ANKRD6: variants seen among roughly 807,000 people sequenced by gnomAD.
ANKRD6 encodes the protein ankyrin repeat domain 6, also known as ankyrin repeat domain-containing protein 6.
A neutral mutation model predicts 82.3 loss-of-function variants in ANKRD6; 56 were observed. The observed-to-expected ratio is 0.68, with a 90% confidence interval of 0.55 to 0.85. The LOEUF (loss-of-function observed/expected upper bound fraction) is 0.85. Among genes scored for constraint, ANKRD6 ranks in the 40% least tolerant of loss-of-function variants. The probability of loss-of-function intolerance (pLI) is 0.00; values close to 1 mark genes in which losing one functional copy is unlikely to be tolerated. For synonymous variants in ANKRD6, 347 were observed against 352.1 expected (o/e 0.99, Z 0.16); for missense variants, 852 against 907.6 (o/e 0.94, Z 0.79).
chr6:89,515,805 G>A (rs956067734), intron 1 of ANKRD6, among the ~76,000 whole-genome samples: 7 of 152,236 alleles, frequency 4.6e-5, no homozygotes, highest in Non-Finnish European at 1.0e-4. Flanking sequence ...GAGAGAAGGT[G>A]CCTCTCCTGG....
At chr6:89,456,148 TC>T (rs1256806406) in intron 1 of ANKRD6, among the ~76,000 whole-genome samples, 2 of 152,190 alleles carry the variant, frequency 1.3e-5, no homozygotes, top group African/African-American at 4.8e-5. Flanking sequence ...GTTAAGTATT[TC>T]TTTATAGCAG....
intron 1 of ANKRD6, among the ~76,000 whole-genome samples, chr6:89,462,243 AATAATAATAAT>A (rs1582730201): frequency 2.0e-5 from 3 of 147,696 alleles, no homozygotes; most frequent in East Asian, 3.9e-4. Context: ...AAATAATAAT[AATAATAATAAT>A]AATAATAATA....
chr6:89,471,939 C>CAAA lies in ANKRD6; in HGVS notation c.-144+38587_-144+38589dup, dbSNP rs749607605. 7.6e-3 allele frequency among the ~76,000 whole-genome samples: 393 copies of CAAA among 51,676 alleles called. 2 individuals carry two copies. Among genetic ancestry groups the CAAA allele is most frequent in the East Asian group, 0.011 (15 of 1,344 alleles). 33.9% of individuals were successfully genotyped at this position (51,676 alleles called of 152,430 possible). On this transcript the variant is annotated intron_variant, in intron 1 of 15. Transcript: ENST00000339746. ...GGGCAACAAGAGCGAAACTCCATCTCAAAAAAAAAAAAAAAAAAAAAAAAA... is the reference window on the plus strand; with the variant it reads ...GGGCAACAAGAGCGAAACTCCATCTCAAAAAAAAAAAAAAAAAAAAAAAAAAAA...
At chr6:89,607,241 C>A (rs902754357) in intron 5 of ANKRD6, among the ~76,000 whole-genome samples, 1 of 150,060 alleles carries the variant, frequency 6.7e-6, no homozygotes, top group African/African-American at 2.4e-5. Context: ...GGTAATAAAA[C>A]CTGCTATTGA....
rs1784613230 is a variant in ANKRD6 at position 89,543,030 on chromosome 6, G to T, written c.-143-23804G>T. ...TTCAGTTAAAAATTGCCAAATGTCT[G>T]TTTGTTCTTGGGGTTTTTTACGGTA... On this transcript the variant is annotated intron_variant, in intron 1 of 15. Coordinates refer to ENST00000339746, the MANE Select transcript of ANKRD6 (RefSeq NM_001242809.2). Among the ~76,000 whole-genome samples, 4 of 152,314 alleles carry T rather than the reference G, an allele frequency of 2.6e-5. No homozygotes were observed. In the South Asian group the frequency reaches 8.3e-4, roughly 32 times the overall value.
intron 1 of ANKRD6, among the ~76,000 whole-genome samples, chr6:89,479,436 C>A (rs1390462500): frequency 6.6e-6 from 1 of 152,116 alleles, no homozygotes; most frequent in East Asian, 1.9e-4. Context: ...TAATATTCTA[C>A]CAGATGGAGC....
intron 1 of ANKRD6, among the ~76,000 whole-genome samples, chr6:89,462,292 G>A (rs553798410): frequency 6.7e-6 from 1 of 148,776 alleles, no homozygotes; most frequent in South Asian, 2.1e-4. Context: ...AAAAATGAAG[G>A]AAGTTTACAG....
chr6:89,451,177 C>T (rs1200808212), intron 1 of ANKRD6, among the ~76,000 whole-genome samples: 6 of 152,074 alleles, frequency 3.9e-5, no homozygotes, highest in Admixed American at 1.3e-4. Context: ...GGCATGGTGG[C>T]GTGTGCCTGT....
chr6:89,624,439 C>G, intron 12 of ANKRD6, 100 bp from the exon 13 acceptor site: 1 of 1,403,868 alleles, frequency 7.1e-7, no homozygotes, highest in Non-Finnish European at 9.6e-7. Context: ...CTTCCATCAT[C>G]TCTATCCCCT....
chr6:89,577,040 C>T (rs1041987721), intron 2 of ANKRD6, among the ~76,000 whole-genome samples: 9 of 152,014 alleles, frequency 5.9e-5, no homozygotes, highest in African/African-American at 2.2e-4. Context: ...CAGTCATGAG[C>T]CACCATGCCC....
At chr6:89,563,494 C>G (rs1159937313) in intron 1 of ANKRD6, among the ~76,000 whole-genome samples, 1 of 152,160 alleles carries the variant, frequency 6.6e-6, no homozygotes, top group Non-Finnish European at 1.5e-5. Context: ...AGGCTTGGGG[C>G]AGAATACATT....
intron 1 of ANKRD6, among the ~76,000 whole-genome samples, chr6:89,504,591 G>A (rs932909623): frequency 6.6e-6 from 1 of 152,014 alleles, no homozygotes; most frequent in African/African-American, 2.4e-5. Context: ...AAATTATAGC[G>A]ATGTGGCCTT....
chr6:89,556,369 C>G (rs1167738752), intron 1 of ANKRD6, among the ~76,000 whole-genome samples: 1 of 152,218 alleles, frequency 6.6e-6, no homozygotes. Context: ...AAAGAAATCC[C>G]AAGAACTAGC....
At position 89,606,112 on chromosome 6, in the gene ANKRD6, C is replaced by A; in HGVS notation, c.417+7C>A. The A allele has an allele frequency of 1.9e-6, 3 of 1,550,170 alleles. No homozygotes were observed. Among genetic ancestry groups the A allele is most frequent in the Non-Finnish European group, 2.6e-6 (3 of 1,143,994 alleles). Reference sequence around the variant, plus strand: ...CGTGCTTGCCAAGAACAAGGTGAGGCCTGGCAGATGCTAGAATGCCTCATT... The same window carrying A: ...CGTGCTTGCCAAGAACAAGGTGAGGACTGGCAGATGCTAGAATGCCTCATT... On this transcript the variant is annotated splice_region_variant and intron_variant, in intron 5 of 15. Transcript: ENST00000339746.
At chr6:89,519,771 T>G (rs1278685281) in intron 1 of ANKRD6, among the ~76,000 whole-genome samples, 1 of 152,238 alleles carries the variant, frequency 6.6e-6, no homozygotes, top group Non-Finnish European at 1.5e-5. Context: ...TCTACACTGT[T>G]TCTTTACATG....
At chr6:89,495,395 C>T (rs563882540) in intron 1 of ANKRD6, among the ~76,000 whole-genome samples, 1 of 152,214 alleles carries the variant, frequency 6.6e-6, no homozygotes, top group Non-Finnish European at 1.5e-5. Flanking sequence ...GGGAAGGAAT[C>T]TGTCTGCCCT....
chr6:89,447,215 A>G (rs1216806312), intron 1 of ANKRD6, among the ~76,000 whole-genome samples: 1 of 152,118 alleles, frequency 6.6e-6, no homozygotes, highest in African/African-American at 2.4e-5. Context: ...TGATTGTGCC[A>G]CTGTATTTCA....
rs1807489805 is a variant in ANKRD6 at position 89,631,976 on chromosome 6, C to T, written c.*972C>T. The T allele has an allele frequency of 1.3e-5, 2 of 152,120 alleles. No homozygotes were observed. The highest frequency in any genetic ancestry group is 2.9e-5 in the Non-Finnish European group (2 of 68,028). The allele number at this position is 152,120 out of a possible 1,614,324, so 9.4% of individuals were successfully genotyped here. Reference sequence around the variant, plus strand: ...AAATATTCGATAACTCAACTTAGGCCCCACTGTTCCCCAACTTCATGGAGG... The same window carrying T: ...AAATATTCGATAACTCAACTTAGGCTCCACTGTTCCCCAACTTCATGGAGG... On this transcript the variant is annotated 3_prime_UTR_variant, in exon 16 of 16. Transcript: ENST00000339746.
At position 89,488,866 on chromosome 6, in the gene ANKRD6, A is replaced by ATCTATTCTATTCTATTCTAT. The variant is rs57575981; in HGVS notation, c.-144+55531_-144+55550dup. 7.5e-3 allele frequency among the ~76,000 whole-genome samples: 1,075 copies of ATCTATTCTATTCTATTCTAT among 143,212 alleles called. 9 individuals carry two copies. The highest frequency in any genetic ancestry group is 0.013 in the East Asian group (60 of 4,732). 94.0% of individuals were successfully genotyped at this position (143,212 alleles called of 152,430 possible). The stretch of plus-strand genomic sequence containing the variant: ...AATGTTTCCCACCCAAAATATATCG[A>ATCTATTCTATTCTATTCTAT]TCTATTCTATTCTATTCTATTCTAT... On this transcript the variant is annotated intron_variant, in intron 1 of 15. Transcript: ENST00000339746.
Sources: gnomAD v4.1 joint callset for allele counts (sites outside exome capture counted in the v4.1 genomes callset) on GRCh38, gnomAD v4.1.1 for gene constraint, MANE v1.5 for transcripts, NCBI Gene and HGNC (gene_info 2026-07-23, HGNC 2026-07-21) for gene names.